The following GRIK4 variants were observed in gnomAD, a reference collection of about 807,000 sequenced individuals.
The protein encoded by GRIK4 is glutamate receptor ionotropic, kainate 4.
GRIK4 carries 40 observed loss-of-function variants against 104.9 expected under a neutral mutation model. That is an observed-to-expected ratio of 0.38 (90% CI 0.30 to 0.50). The LOEUF is 0.50. GRIK4 is among the 20% of genes least tolerant of loss of function. GRIK4 has a pLI of 0.93. For missense variants in GRIK4, 1,047 were observed against 1,308.1 expected, an observed-to-expected ratio of 0.80 and a Z score of 3.08; for synonymous variants, 485 against 524.9, an observed-to-expected ratio of 0.92 and a Z score of 1.04.
intron 3 of GRIK4, among the ~76,000 whole-genome samples, chr11:120,739,976 C>T (rs2135406179): frequency 1.3e-5 from 2 of 152,304 alleles, no homozygotes; most frequent in South Asian, 4.1e-4. Flanking sequence ...TCACATGCCC[C>T]AACCTCATCC....
At chr11:120,576,753 G>A (rs1358276739) in intron 1 of GRIK4, among the ~76,000 whole-genome samples, 1 of 152,200 alleles carries the variant, frequency 6.6e-6, no homozygotes, top group African/African-American at 2.4e-5. Flanking sequence ...GTCATGCTAG[G>A]AGTTCTGGGA....
At chr11:120,821,470 C>G (rs1362934383) in intron 6 of GRIK4, among the ~76,000 whole-genome samples, 2 of 152,166 alleles carry the variant, frequency 1.3e-5, no homozygotes, top group Non-Finnish European at 2.9e-5. Flanking sequence ...TAGCAGAGAT[C>G]CTTGTAGCAG....
At chr11:120,649,686 G>A (rs1268705107) in intron 1 of GRIK4, among the ~76,000 whole-genome samples, 1 of 152,192 alleles carries the variant, frequency 6.6e-6, no homozygotes, top group Non-Finnish European at 1.5e-5. Flanking sequence ...CTTAGGGAAG[G>A]TTGCAGCACA....
chr11:120,740,723 C>T (rs540417318), intron 3 of GRIK4, among the ~76,000 whole-genome samples: 17 of 152,294 alleles, frequency 1.1e-4, no homozygotes, highest in African/African-American at 4.1e-4. Context: ...GAGCATTGTC[C>T]CTTTGCTTCT....
intron 1 of GRIK4, among the ~76,000 whole-genome samples, chr11:120,597,628 T>C (rs1164846313): frequency 6.6e-6 from 1 of 152,126 alleles, no homozygotes; most frequent in Non-Finnish European, 1.5e-5. Flanking sequence ...TTTGCCAGAG[T>C]GTTTGCATTC....
At chr11:120,849,556 C>A (rs1449837896) in intron 8 of GRIK4, among the ~76,000 whole-genome samples, 2 of 152,180 alleles carry the variant, frequency 1.3e-5, no homozygotes, top group African/African-American at 4.8e-5. Flanking sequence ...CTCTTGAGTA[C>A]CAGCAATGTA....
intron 8 of GRIK4, among the ~76,000 whole-genome samples, chr11:120,840,709 C>T (rs1953690560): frequency 6.6e-6 from 1 of 152,164 alleles, no homozygotes; most frequent in Admixed American, 6.5e-5. Context: ...TAAAAGCATG[C>T]CAACACAGAG....
intron 1 of GRIK4, among the ~76,000 whole-genome samples, chr11:120,541,956 G>GAA (rs35965239): frequency 8.6e-5 from 13 of 150,306 alleles, no homozygotes; most frequent in Admixed American, 4.0e-4. Context: ...TACAGAAAGA[G>GAA]AAAAAAAAAC....
At chr11:120,690,176 A>C (rs761839748) in intron 3 of GRIK4, among the ~76,000 whole-genome samples, 9 of 152,142 alleles carry the variant, frequency 5.9e-5, no homozygotes, top group Non-Finnish European at 1.3e-4. Context: ...CCAGACCCTA[A>C]ATGCTGAAGC....
At chr11:120,895,267 G>C (rs1213983254) in intron 11 of GRIK4, among the ~76,000 whole-genome samples, 1 of 152,106 alleles carries the variant, frequency 6.6e-6, no homozygotes, top group Non-Finnish European at 1.5e-5. Flanking sequence ...AGGTCTTACT[G>C]GCTCTGTTGG....
chr11:120,560,868 G>A (rs1327691085), intron 1 of GRIK4, among the ~76,000 whole-genome samples: 2 of 152,152 alleles, frequency 1.3e-5, no homozygotes, highest in Non-Finnish European at 2.9e-5. Flanking sequence ...CAGTGGGGAT[G>A]GTATGATCTC....
At position 120,877,720 on chromosome 11, in the gene GRIK4, T is replaced by C. The variant is rs113013473; in HGVS notation, c.1164+2477T>C. ...GTGACATAGTGTCAGGAGTGGTAAG[T>C]GGAAAAAGAAAACGGGGAAAGGAGA... is the stretch of plus-strand genomic sequence containing the variant. On this transcript the variant is annotated intron_variant, in intron 11 of 20. Transcript: ENST00000527524. Among the ~76,000 whole-genome samples the C allele has an allele frequency of 6.6e-3, 1,008 of 151,846 alleles. 17 individuals carry two copies. Among genetic ancestry groups the C allele is most frequent in the African/African-American group, 0.021 (877 of 41,378 alleles).
At chr11:120,630,199 C>A (rs564056565) in intron 1 of GRIK4, among the ~76,000 whole-genome samples, 4 of 152,322 alleles carry the variant, frequency 2.6e-5, no homozygotes, top group African/African-American at 9.6e-5. Flanking sequence ...ACCCTGAACC[C>A]CCTCTTACCT....
intron 7 of GRIK4, among the ~76,000 whole-genome samples, chr11:120,832,393 G>T (rs1009934139): frequency 9.9e-5 from 15 of 152,158 alleles, no homozygotes; most frequent in African/African-American, 3.6e-4. Context: ...TATAGAAATG[G>T]TTCCGTAGTT....
chr11:120,575,334 C>T (rs1288463583), intron 1 of GRIK4, among the ~76,000 whole-genome samples: 3 of 152,126 alleles, frequency 2.0e-5, no homozygotes, highest in Non-Finnish European at 2.9e-5. Context: ...TTTCCCTGCC[C>T]AGCCTTTTTA....
At chr11:120,804,073 T>C (rs1459699220) in intron 4 of GRIK4, among the ~76,000 whole-genome samples, 2 of 152,058 alleles carry the variant, frequency 1.3e-5, no homozygotes, top group Non-Finnish European at 2.9e-5. Context: ...TAGGCCCAAG[T>C]TAGTGGGCTG....
At chr11:120,735,216 T>C (rs563082446) in intron 3 of GRIK4, among the ~76,000 whole-genome samples, 2 of 152,284 alleles carry the variant, frequency 1.3e-5, no homozygotes, top group South Asian at 4.1e-4. Flanking sequence ...GTTATTCTTC[T>C]TGGGAAGACT....
Position 120,862,153 on chromosome 11 carries a change from C to G in GRIK4, c.906+33C>G. The G allele has an allele frequency of 1.9e-6, 3 of 1,599,254 alleles. No homozygotes were observed. In the South Asian group the frequency reaches 3.4e-5, roughly 18 times the overall value. On this transcript the variant is annotated intron_variant, in intron 9 of 20. Coordinates refer to ENST00000527524, the MANE Select transcript of GRIK4 (RefSeq NM_014619.5). ...CCCGCCAGAGCTCTTCCTGGTGCCCCTTGGCCTCTGCACATTGCCCCTCTG... is the reference window on the plus strand; with the variant it reads ...CCCGCCAGAGCTCTTCCTGGTGCCCGTTGGCCTCTGCACATTGCCCCTCTG...
intron 3 of GRIK4, among the ~76,000 whole-genome samples, chr11:120,749,379 A>G (rs1951504535): frequency 6.6e-6 from 1 of 152,128 alleles, no homozygotes; most frequent in Non-Finnish European, 1.5e-5. Flanking sequence ...AGAGGGGGCC[A>G]GCAACAGGGC....
Sources: gnomAD v4.1 joint callset for allele counts (sites outside exome capture counted in the v4.1 genomes callset) on GRCh38, gnomAD v4.1.1 for gene constraint, MANE v1.5 for transcripts, NCBI Gene and HGNC (gene_info 2026-07-23, HGNC 2026-07-21) for gene names.